The following PASK variants were observed in gnomAD, a reference collection of about 807,000 sequenced individuals.
PASK encodes the protein PAS domain containing serine/threonine kinase, also known as PAS domain-containing serine/threonine-protein kinase.
Under a neutral mutation model 121.0 loss-of-function variants are expected in PASK, and 110 were observed. The ratio of observed to expected loss-of-function variants is 0.91; its 90% confidence interval spans 0.78 to 1.06. PASK has a LOEUF of 1.06. Among genes scored for constraint, PASK ranks in the 50% least tolerant of loss-of-function variants. The pLI, the probability that PASK is intolerant of heterozygous loss-of-function variation, is 0.00. For synonymous variants in PASK, 686 were observed against 717.8 expected, an observed-to-expected ratio of 0.96 and a Z score of 0.71; for missense variants, 1,643 against 1,702.3, an observed-to-expected ratio of 0.97 and a Z score of 0.61.
At chr2:241,144,113 C>T (rs774379511) in intron 1 of PASK, among the ~76,000 whole-genome samples, 2 of 151,534 alleles carry the variant, frequency 1.3e-5, no homozygotes, top group African/African-American at 2.4e-5. Context: ...CGTGTGTGTC[C>T]GTGCGTGTGT....
rs184089284 is a variant in PASK at position 241,123,742 on chromosome 2, C to T, written c.2904+207G>A. ...CTGAGGCGGGCGAATCACTTGAACC[C>T]GGGAAGCAGAGGTTGCAGTGAGCTG... is the stretch of plus-strand genomic sequence containing the variant. On this transcript the variant is annotated intron_variant, in intron 11 of 17. Coordinates refer to ENST00000234040, the MANE Select transcript of PASK (RefSeq NM_015148.4). Among the ~76,000 whole-genome samples the T allele has an allele frequency of 1.5e-4, 23 of 151,510 alleles. 1 individual carries two copies. The highest frequency in any genetic ancestry group is 3.4e-3 in the Middle Eastern group (1 of 294).
chr2:241,144,056 C>T (rs1464641113), intron 1 of PASK, among the ~76,000 whole-genome samples: 1 of 152,320 alleles, frequency 6.6e-6, no homozygotes, highest in East Asian at 1.9e-4. Flanking sequence ...TCAGCCTCGT[C>T]CAGATTTCAA....
At chr2:241,129,220 G>C (rs2066014966) in intron 9 of PASK, among the ~76,000 whole-genome samples, 1 of 152,120 alleles carries the variant, frequency 6.6e-6, no homozygotes, top group Non-Finnish European at 1.5e-5. Context: ...GCAACTTCTG[G>C]GGCACAGTCC....
At position 241,108,963 on chromosome 2, in the gene PASK, G is replaced by C; in HGVS notation, c.3534-663C>G. On this transcript the variant is annotated intron_variant, in intron 15 of 17. Coordinates refer to ENST00000234040, the MANE Select transcript of PASK (RefSeq NM_015148.4). This position sits in a 1 kb window ranked among gnomAD's most constrained non-coding sequence, Gnocchi z 5.2. ...TGTCGCCGTAAACATCCTCATCCAC[G>C]CTACCATTTATTTCCTGTCACCGTA... The C allele has an allele frequency of 6.4e-6, 1 of 156,580 alleles. No individual in the cohort carries two copies. Among genetic ancestry groups the C allele is most frequent in the Non-Finnish European group, 1.4e-5 (1 of 70,590 alleles). 9.7% of individuals were successfully genotyped at this position (156,580 alleles called of 1,614,324 possible).
Position 241,136,984 on chromosome 2 carries a change from G to C in PASK, c.1137+20C>G, listed in dbSNP as rs368740469. On this transcript the variant is annotated intron_variant, in intron 7 of 17. Transcript: ENST00000234040. ...GCTTCCTCCCAGGGAACGGGAGCCA[G>C]GCGCCCAGGGCAGCCCCACCTTGCC... is the stretch of plus-strand genomic sequence containing the variant. The C allele has an allele frequency of 1.6e-5, 25 of 1,610,616 alleles. No individual in the cohort carries two copies. The African/African-American group carries it at 3.3e-4, about 21-fold the overall frequency.
In PASK at chr2:241,139,904, G is replaced by T. The variant is rs976411724; in HGVS notation, c.581C>A (p.Ala194Glu). The change falls in exon 4 of 18, where the codon GCG becomes GAG. Residue 194 changes from alanine to glutamate, a missense_variant. By Grantham distance (107) the Ala-to-Glu change is moderately radical. Around this residue, in one of 3 missense-constraint regions of PASK, gnomAD observed 1,176 missense variants for 1,162.2 expected, o/e 1.01. Transcript: ENST00000234040. ...ACTCACCACCGTGCCAAACACCACCGCAGCGTGGCCGTCGGCCTCCATGTG... is the reference window on the plus strand; with the variant it reads ...ACTCACCACCGTGCCAAACACCACCTCAGCGTGGCCGTCGGCCTCCATGTG... ...EEHMEADGHAAVVFGTVVDII... is the reference protein window; with the variant it reads ...EEHMEADGHAEVVFGTVVDII... 1.1e-5 allele frequency: 17 copies of T among 1,613,978 alleles called. No individual in the cohort carries two copies. In the African/African-American group the frequency reaches 2.1e-4, roughly 20 times the overall value.
intron 12 of PASK, among the ~76,000 whole-genome samples, chr2:241,117,483 G>C (rs574925641): frequency 9.6e-4 from 146 of 152,346 alleles, no homozygotes; most frequent in African/African-American, 3.3e-3. Context: ...GCTCCTCCAG[G>C]GGGGCCCATG....
At chr2:241,149,743 T>C (rs761753317), upstream of PASK, 2 of 1,544,150 alleles carry the variant, frequency 1.3e-6, no homozygotes, top group Admixed American at 3.9e-5. Context: ...TGGAGGCCTC[T>C]TTCTGAAGGC....
rs1326484539 is a variant in PASK at position 241,115,298 on chromosome 2, T to C, written c.3188A>G (p.Asn1063Ser). ...IAILSRVEHANIIKVLDIFEN... is the reference protein window; with the variant it reads ...IAILSRVEHASIIKVLDIFEN... ...AGAGGAAACCATCACCTTGATGATA[T>C]TGGCGTGCTCCACCCTGGATAGAAT... Residue 1063 changes from asparagine (N) to serine (S), a missense_variant, in exon 13 of 18, where the codon AAT becomes AGT. By Grantham distance (46) the Asn-to-Ser change is conservative (BLOSUM62 1). Around this residue, in one of 3 missense-constraint regions of PASK, gnomAD observed 453 missense variants for 511.2 expected, o/e 0.89. Transcript: ENST00000234040. The C allele has an allele frequency of 1.1e-5, 18 of 1,613,924 alleles. No individual in the cohort carries two copies. The highest frequency in any genetic ancestry group is 6.7e-5 in the East Asian group (3 of 44,902).
At chr2:241,138,617 A>C (rs2066554696) in intron 5 of PASK, 37 bp downstream of exon 5, 4 of 1,611,448 alleles carry the variant, frequency 2.5e-6, no homozygotes, top group Non-Finnish European at 3.4e-6. Context: ...CGCCGGCTCC[A>C]GCGTCCATGA....
At chr2:241,111,210 C>T (rs2065098248) in intron 15 of PASK, among the ~76,000 whole-genome samples, 1 of 152,226 alleles carries the variant, frequency 6.6e-6, no homozygotes, top group Non-Finnish European at 1.5e-5. Flanking sequence ...GGCCTCAGGC[C>T]ACCAGGTCAG....
intron 15 of PASK, chr2:241,109,247 C>T (rs1374453497): frequency 6.6e-6 from 1 of 152,448 alleles, no homozygotes; most frequent in Non-Finnish European, 1.5e-5. Flanking sequence ...TCACAACAAC[C>T]TAGCAAGATA....
intron 17 of PASK, 35 bp downstream of exon 17, chr2:241,107,318 G>A (rs1300798763): frequency 1.3e-6 from 2 of 1,597,032 alleles, no homozygotes; most frequent in East Asian, 2.2e-5. Context: ...TCCAAGTGAA[G>A]TCATGTGGGG....
rs879041408 is a variant in PASK, at chr2:241,126,494, A to C, written c.2421T>G (p.Leu807=). The C allele has an allele frequency of 1.2e-6, 2 of 1,614,244 alleles. No homozygotes were observed. Among genetic ancestry groups the C allele is most frequent in the South Asian group, 2.2e-5 (2 of 91,088 alleles). The part of the protein sequence containing the change: ...LLLLTGTCVD[L]GQGRRFRESC... The stretch of plus-strand genomic sequence containing the variant: ...TCTCCCGGAACCGTCGGCCTTGGCC[A>C]AGGTCAACACAGGTGCCGGTCAGTA... The change falls in exon 10 of 18, where the codon CTT becomes CTG. Residue 807 remains leucine, a synonymous_variant. Coordinates refer to ENST00000234040, the MANE Select transcript of PASK (RefSeq NM_015148.4).
At chr2:241,135,844 G>T in intron 8 of PASK, 27 bp downstream of exon 8, 3 of 1,604,608 alleles carry the variant, frequency 1.9e-6, no homozygotes, top group East Asian at 2.2e-5. Context: ...AGCTACAGGC[G>T]CATTCAGGAG....
chr2:241,150,317 CGCGG>C (rs2067226571), upstream of PASK: 29 of 1,331,038 alleles, frequency 2.2e-5, no homozygotes, highest in Non-Finnish European at 3.9e-6. Context: ...CTGGGGGAGG[CGCGG>C]CGCGCGGCCT....
Position 241,137,515 on chromosome 2 carries a change from C to T in PASK, c.877-251G>A, listed in dbSNP as rs894347146. On this transcript the variant is annotated intron_variant, in intron 6 of 17. Coordinates refer to ENST00000234040, the MANE Select transcript of PASK (RefSeq NM_015148.4). ...AGCAACCCCAGGGCAAGTGAGACAC[C>T]CCAGTGAGGGGCCGGGCACCAGCAG... Among the ~76,000 whole-genome samples, 10 of 152,302 alleles carry T rather than the reference C, an allele frequency of 6.6e-5. No individual in the cohort carries two copies. The South Asian group carries it at 1.7e-3, about 25-fold the overall frequency.
rs766713864 is a variant in PASK, at chr2:241,135,876, C to T, written c.1301G>A (p.Gly434Asp). 1 of 1,613,658 alleles carries T rather than the reference C, an allele frequency of 6.2e-7. No individual in the cohort carries two copies. The highest frequency in any genetic ancestry group is 1.1e-5 in the South Asian group (1 of 91,078). Residue 434 changes from glycine to aspartate, a missense_variant, in exon 8 of 18, where the codon GGC becomes GAC. This residue lies in a region of PASK where 1,176 missense variants were observed against 1,162.2 expected (regional missense o/e 1.01). Coordinates refer to ENST00000234040, the MANE Select transcript of PASK (RefSeq NM_015148.4). ...GGAGGAAGAGGACGTCTTACCCTGG[C>T]CCCCCTCAGCTGGGTCCTGGCCCTG... ...PWQGQDPAEGGQDPRINVVLA... is the reference protein window; with the variant it reads ...PWQGQDPAEGDQDPRINVVLA...
Position 241,108,185 on chromosome 2 carries a change from G to A in PASK, c.3649C>T (p.Pro1217Ser). 1 of 1,614,022 alleles carries A rather than the reference G, an allele frequency of 6.2e-7. No homozygotes were observed. The highest frequency in any genetic ancestry group is 8.5e-7 in the Non-Finnish European group (1 of 1,179,992). ...CGCTCACCTTTGGACACCAGGTATG[G>A]CGGGTGTATGGCAGCCTCCACGGTC... is the stretch of plus-strand genomic sequence containing the variant. ...EETVEAAIHP[P>S]YLVSKELMSL... Residue 1217 changes from proline to serine, a missense_variant, in exon 16 of 18, where the codon CCA becomes TCA. By Grantham distance (74) the Pro-to-Ser change is moderately conservative (BLOSUM62 -1). Coordinates refer to ENST00000234040, the MANE Select transcript of PASK (RefSeq NM_015148.4). This position sits in a 1 kb window ranked among gnomAD's most constrained non-coding sequence, Gnocchi z 5.2.
Sources: allele counts gnomAD v4.1 joint callset (sites outside exome capture counted in the v4.1 genomes callset), GRCh38; gene constraint gnomAD v4.1.1; regional missense constraint gnomAD v4.1.1; non-coding constraint Gnocchi (gnomAD v3.1); transcripts MANE v1.5; gene names NCBI Gene and HGNC (gene_info 2026-07-23, HGNC 2026-07-21).